The following COL14A1 variants were observed in gnomAD, a reference collection of about 807,000 sequenced individuals.
COL14A1 encodes collagen type XIV alpha 1 chain.
COL14A1 carries 136 observed loss-of-function variants against 230.3 expected under a neutral mutation model. That is an observed-to-expected ratio of 0.59 (90% CI 0.51 to 0.68). COL14A1 has a LOEUF of 0.68. COL14A1 is among the 30% of genes least tolerant of loss of function. The pLI, the probability that COL14A1 is intolerant of heterozygous loss-of-function variation, is 0.00. For missense variants in COL14A1, 1,976 were observed against 2,215.8 expected, an observed-to-expected ratio of 0.89 and a Z score of 2.17; for synonymous variants, 792 against 784.1, an observed-to-expected ratio of 1.01 and a Z score of -0.17.
rs768805792 is a variant in COL14A1 at position 120,196,868 on chromosome 8, T to C, written c.514T>C (p.Phe172Leu). The stretch of plus-strand genomic sequence containing the variant: ...CGATGGTTCATGGAGTATTGGAAGA[T>C]TCAACTTCAGACTGGTTCGGCATTT... The part of the protein sequence containing the change: ...LVDGSWSIGR[F>L]NFRLVRHFLE... The change falls in exon 6 of 48, where the codon TTC (phenylalanine) becomes CTC (leucine). Residue 172 changes from phenylalanine to leucine, a missense_variant. Physicochemically the swap from Phe to Leu is conservative, Grantham distance 22 (BLOSUM62 0). Coordinates refer to ENST00000297848, the MANE Select transcript of COL14A1 (RefSeq NM_021110.4). 1.2e-6 allele frequency: 2 copies of C among 1,614,182 alleles called. No individual in the cohort carries two copies. The highest frequency in any genetic ancestry group is 1.1e-5 in the South Asian group (1 of 91,080).
At chr8:120,206,114 G>C (rs1817421525) in intron 9 of COL14A1, among the ~76,000 whole-genome samples, 1 of 152,134 alleles carries the variant, frequency 6.6e-6, no homozygotes, top group African/African-American at 2.4e-5. Context: ...TATAGAGCCT[G>C]TGTTCGCTGA....
Position 120,147,823 on chromosome 8 carries a change from T to C in COL14A1, c.-20T>C, listed in dbSNP as rs778009828. The C allele has an allele frequency of 3.7e-6, 6 of 1,604,372 alleles. No individual in the cohort carries two copies. The highest frequency in any genetic ancestry group is 3.4e-5 in the Admixed American group (2 of 59,464). On this transcript the variant is annotated 5_prime_UTR_variant, in exon 2 of 48. It removes an upstream start codon present in the reference 5' UTR. Transcript: ENST00000297848. ...GTTTCTAGGTGGCTGCTACACCCCATGTAAAAAGCGGAAAATAAAATGAAG... is the reference window on the plus strand; with the variant it reads ...GTTTCTAGGTGGCTGCTACACCCCACGTAAAAAGCGGAAAATAAAATGAAG...
At chr8:120,174,964 G>A (rs998858981) in intron 5 of COL14A1, among the ~76,000 whole-genome samples, 2 of 152,134 alleles carry the variant, frequency 1.3e-5, no homozygotes, top group African/African-American at 4.8e-5. Context: ...CCTCCTCCAA[G>A]TCGTGGTACT....
rs529446428 is a variant in COL14A1 at position 120,358,689 on chromosome 8, T to A, written c.5078-8482T>A. 1.8e-3 allele frequency among the ~76,000 whole-genome samples: 273 copies of A among 151,948 alleles called. 1 individual carries two copies. The highest frequency in any genetic ancestry group is 6.3e-3 in the African/African-American group (263 of 41,430). On this transcript the variant is annotated intron_variant, in intron 45 of 47. Coordinates refer to ENST00000297848, the MANE Select transcript of COL14A1 (RefSeq NM_021110.4). ...GAGAGAGAGAAAGAAACTCCTTTTT[T>A]AAAAATGTAGGAATGTATTTCATCA... is the stretch of plus-strand genomic sequence containing the variant.
intron 45 of COL14A1, among the ~76,000 whole-genome samples, chr8:120,362,875 G>C (rs111875973): frequency 1.3e-3 from 196 of 152,114 alleles, no homozygotes; most frequent in African/African-American, 4.2e-3. Context: ...GAAAACTAAG[G>C]GTATTTTAAC....
At chr8:120,126,560 G>A (rs1814346034) in intron 1 of COL14A1, among the ~76,000 whole-genome samples, 3 of 152,336 alleles carry the variant, frequency 2.0e-5, no homozygotes, top group East Asian at 1.9e-4. Flanking sequence ...GCTGTGGAGA[G>A]GAGAGCAGAA....
At chr8:120,231,657 T>A in intron 19 of COL14A1, 39 bp downstream of exon 19, 1 of 1,595,106 alleles carries the variant, frequency 6.3e-7, no homozygotes, top group Non-Finnish European at 8.5e-7. Flanking sequence ...TCTGCAGATG[T>A]TACTAACACA....
In COL14A1 at chr8:120,345,568, G is replaced by A. The variant is rs1291346194; in HGVS notation, c.5077+5G>A. ...CAGGGACCCCAGGAGAACGAGGTAA[G>A]CTGGGCCCCTTCTCTCAGAGGAACT... On this transcript the variant is annotated splice_donor_5th_base_variant and intron_variant, in intron 45 of 47. Coordinates refer to ENST00000297848, the MANE Select transcript of COL14A1 (RefSeq NM_021110.4). The A allele has an allele frequency of 1.3e-6, 2 of 1,531,128 alleles. No homozygotes were observed. The highest frequency in any genetic ancestry group is 1.7e-6 in the Non-Finnish European group (2 of 1,145,556). 94.8% of individuals were successfully genotyped at this position (1,531,128 alleles called of 1,614,324 possible). A position where few individuals can be genotyped will look rare whatever the true frequency, so the allele number is the denominator to read the frequency against.
At chr8:120,354,733 T>A (rs1010545551) in intron 45 of COL14A1, among the ~76,000 whole-genome samples, 32 of 152,294 alleles carry the variant, frequency 2.1e-4, no homozygotes, top group African/African-American at 7.2e-4. Flanking sequence ...TTCTAAGGGA[T>A]CCAGTGGCTA....
rs114839044 is a variant in COL14A1 at position 120,193,883 on chromosome 8, G to A, written c.437-2908G>A. On this transcript the variant is annotated intron_variant, in intron 5 of 47. Coordinates refer to ENST00000297848, the MANE Select transcript of COL14A1 (RefSeq NM_021110.4). ...GTGGGATATAATCTCCTGTAGCACCGTTTTTTAAGCCCCTCGGAAAAGCGC... is the reference window on the plus strand; with the variant it reads ...GTGGGATATAATCTCCTGTAGCACCATTTTTTAAGCCCCTCGGAAAAGCGC... 6.6e-3 allele frequency among the ~76,000 whole-genome samples: 1,012 copies of A among 152,268 alleles called. 11 individuals carry two copies. Among genetic ancestry groups the A allele is most frequent in the African/African-American group, 0.023 (961 of 41,544 alleles).
chr8:120,370,254 G>A, intron 47 of COL14A1: 1 of 1,399,918 alleles, frequency 7.1e-7, no homozygotes, highest in South Asian at 1.2e-5. Context: ...CACAGGAATT[G>A]GTCAACAAAG....
chr8:120,342,636 C>T (rs1240647410), intron 44 of COL14A1, among the ~76,000 whole-genome samples, 190 bp downstream of exon 44: 2 of 152,182 alleles, frequency 1.3e-5, no homozygotes, highest in African/African-American at 4.8e-5. Context: ...AGCTCTACAT[C>T]GATGGTACAA....
In COL14A1 at chr8:120,262,977, G is replaced by A; in HGVS notation, c.2979G>A (p.Glu993=). Residue 993 remains glutamate (E), a synonymous_variant, in exon 24 of 48, where the codon GAG becomes GAA. Coordinates refer to ENST00000297848, the MANE Select transcript of COL14A1 (RefSeq NM_021110.4). ...TCAGTGTTTATACAAAGCTCCAGGA[G>A]ATTGAAGGACCTAGTGTGAGCATAA... is the stretch of plus-strand genomic sequence containing the variant. ...YKISVYTKLQ[E]IEGPSVSIME... is the part of the protein sequence containing the mutation. 1.2e-6 allele frequency: 2 copies of A among 1,613,166 alleles called. No homozygotes were observed. Among genetic ancestry groups the A allele is most frequent in the Non-Finnish European group, 1.7e-6 (2 of 1,179,660 alleles).
intron 45 of COL14A1, among the ~76,000 whole-genome samples, chr8:120,358,877 AT>A (rs781654772): frequency 3.9e-5 from 6 of 152,258 alleles, no homozygotes; most frequent in Non-Finnish European, 5.9e-5. Context: ...ATCAAAATAT[AT>A]TTTTAGAGGA....
chr8:120,184,224 GATTTATTTATTT>G lies in COL14A1; in HGVS notation c.437-12530_437-12519del, dbSNP rs10689956. ...GTGGTGTGTGTGTGGGGGGGGAAGA[GATTTATTTATTT>G]ATTTATTTATTTATTTATTTATTTA... On this transcript the variant is annotated intron_variant, in intron 5 of 47. Transcript: ENST00000297848. Among the ~76,000 whole-genome samples, 536 of 135,602 alleles carry G rather than the reference GATTTATTTATTT, an allele frequency of 4.0e-3. 3 individuals carry two copies. Among genetic ancestry groups the G allele is most frequent in the Non-Finnish European group, 4.6e-3 (292 of 63,962 alleles). The allele number at this position is 135,602 out of a possible 152,430, so 89.0% of individuals were successfully genotyped here. A position where few individuals can be genotyped will look rare whatever the true frequency, so the allele number is the denominator to read the frequency against.
intron 5 of COL14A1, among the ~76,000 whole-genome samples, chr8:120,191,604 A>G (rs1269491145): frequency 6.6e-6 from 1 of 151,940 alleles, no homozygotes; most frequent in Admixed American, 6.6e-5. Context: ...TATCCTTGTG[A>G]ACTTTCTGTC....
At chr8:120,232,225 C>G (rs573530531) in intron 19 of COL14A1, 2 of 152,118 alleles carry the variant, frequency 1.3e-5, no homozygotes, top group South Asian at 4.2e-4. Flanking sequence ...GTTGTTTTAT[C>G]TATCTTTCCT....
chr8:120,316,606 T>G (rs1262961721), intron 40 of COL14A1, among the ~76,000 whole-genome samples: 1 of 152,124 alleles, frequency 6.6e-6, no homozygotes, highest in Non-Finnish European at 1.5e-5. Context: ...TAAGAAACTT[T>G]TATTACATGC....
intron 42 of COL14A1, among the ~76,000 whole-genome samples, chr8:120,334,585 A>ACACACACACACACACACACACAC: frequency 6.9e-6 from 1 of 144,790 alleles, no homozygotes; most frequent in East Asian, 2.1e-4. Context: ...CACACACAAA[A>ACACACACACACACACACACACAC]ACACACACAC....
Sources: allele counts gnomAD v4.1 joint callset (sites outside exome capture counted in the v4.1 genomes callset), GRCh38; gene constraint gnomAD v4.1.1; transcripts MANE v1.5; gene names NCBI Gene and HGNC (gene_info 2026-07-23, HGNC 2026-07-21).